Variants in THAP4 observed in about 807,000 individuals in gnomAD.
The protein encoded by THAP4 is THAP domain containing 4, also known as peroxynitrite isomerase THAP4.
A neutral mutation model predicts 48.1 loss-of-function variants in THAP4; 18 were observed. That is an observed-to-expected ratio of 0.37 (90% CI 0.26 to 0.56). THAP4 has a LOEUF of 0.56. Ranked by LOEUF, THAP4 falls within the 20% of genes least tolerant of loss-of-function variation. THAP4 has a pLI of 0.78. For synonymous variants in THAP4, 345 were observed against 324.9 expected, an observed-to-expected ratio of 1.06 and a Z score of -0.66; for missense variants, 656 against 774.9, an observed-to-expected ratio of 0.85 and a Z score of 1.82.
At chr2:241,584,872 G>A in intron 5 of THAP4, 147 bp from the exon 6 acceptor site, 2 of 955,132 alleles carry the variant, frequency 2.1e-6, no homozygotes, top group Non-Finnish European at 3.2e-6. Flanking sequence ...CACAGCCCAG[G>A]GCCCCTGGGC....
In THAP4 at chr2:241,610,157, C is replaced by T. The variant is rs2067247188; in HGVS notation, c.1241-3684G>A. On this transcript the variant is annotated intron_variant, in intron 2 of 5. Transcript: ENST00000407315. This position sits in a 1 kb window ranked among gnomAD's most constrained non-coding sequence, Gnocchi z 4.2. ...CAGTGGAACAGGGGCACCAGGGCCG[C>T]GGCGCCGGGCATGGCCTTCACACTC... 3.3e-5 allele frequency among the ~76,000 whole-genome samples: 5 copies of T among 152,186 alleles called. No homozygotes were observed. Among genetic ancestry groups the T allele is most frequent in the Non-Finnish European group, 7.4e-5 (5 of 68,022 alleles).
chr2:241,626,594 C>T (rs574624919), intron 2 of THAP4, among the ~76,000 whole-genome samples: 4 of 151,482 alleles, frequency 2.6e-5, no homozygotes, highest in South Asian at 2.1e-4. Flanking sequence ...GACGGAGTCT[C>T]GCTCTGTCAC....
chr2:241,585,141 C>A (rs2066878408), intron 5 of THAP4: 1 of 162,164 alleles, frequency 6.2e-6, no homozygotes, highest in Non-Finnish European at 1.4e-5. Flanking sequence ...CCACTGCCTC[C>A]CACTTTCACT....
At position 241,633,799 on chromosome 2, in the gene THAP4, TGGC is replaced by T. The variant is rs765150959; in HGVS notation, c.355_357del (p.Ala119del). 3 of 1,613,744 alleles carry T rather than the reference TGGC, an allele frequency of 1.9e-6. No homozygotes were observed. Among genetic ancestry groups the T allele is most frequent in the Non-Finnish European group, 1.7e-6 (2 of 1,179,726 alleles). ...GACCAACCTGCAGCTCCTCTGCTGGTGGCGGCACTCGAGTGTCCCCTCACACCC... is the reference window on the plus strand; with the variant it reads ...GACCAACCTGCAGCTCCTCTGCTGGTGGCACTCGAGTGTCCCCTCACACCC... On this transcript the variant is annotated inframe_deletion, in exon 2 of 6. Coordinates refer to ENST00000407315, the MANE Select transcript of THAP4 (RefSeq NM_015963.6). The surrounding 1 kb of genome is among the most constrained non-coding windows in gnomAD (Gnocchi z 7.5).
intron 1 of THAP4, among the ~76,000 whole-genome samples, chr2:241,636,131 C>G (rs1234522886): frequency 6.6e-6 from 1 of 152,246 alleles, no homozygotes; most frequent in Non-Finnish European, 1.5e-5. Context: ...TCTAATGTTA[C>G]TAATTCTTAT....
chr2:241,590,109 G>A (rs1289810964), intron 5 of THAP4, among the ~76,000 whole-genome samples: 10 of 150,866 alleles, frequency 6.6e-5, no homozygotes, highest in Admixed American at 2.6e-4. Context: ...CTCGGCTGAC[G>A]ATGATGGGCA....
intron 5 of THAP4, among the ~76,000 whole-genome samples, chr2:241,586,946 C>T (rs2066902651): frequency 6.6e-6 from 1 of 152,138 alleles, no homozygotes; most frequent in Non-Finnish European, 1.5e-5. Flanking sequence ...AAGATCATGG[C>T]CAATTTTCTG....
intron 2 of THAP4, among the ~76,000 whole-genome samples, chr2:241,626,867 C>A (rs2067500947): frequency 6.6e-6 from 1 of 152,206 alleles, no homozygotes; most frequent in South Asian, 2.1e-4. Flanking sequence ...CCCAGCTAAT[C>A]TGGATTTTTG....
chr2:241,615,101 G>T (rs902612941), intron 2 of THAP4, among the ~76,000 whole-genome samples: 6 of 152,254 alleles, frequency 3.9e-5, no homozygotes, highest in Admixed American at 1.3e-4. Context: ...CGAAAAGAAA[G>T]AAGCCAGACA....
At chr2:241,594,410 C>T (rs1011340111) in intron 5 of THAP4, among the ~76,000 whole-genome samples, 4 of 152,138 alleles carry the variant, frequency 2.6e-5, no homozygotes, top group Admixed American at 2.0e-4. Context: ...ATGGCAAAAG[C>T]TTGTCTCTAC....
intron 5 of THAP4, among the ~76,000 whole-genome samples, chr2:241,597,876 T>A (rs2067068239): frequency 6.6e-6 from 1 of 151,910 alleles, no homozygotes; most frequent in African/African-American, 2.4e-5. Flanking sequence ...GCTTCGCAAC[T>A]CCATCGTCTC....
At chr2:241,605,203 G>T (rs1034757062) in intron 3 of THAP4, among the ~76,000 whole-genome samples, 1 of 152,052 alleles carries the variant, frequency 6.6e-6, no homozygotes, top group South Asian at 2.1e-4. Context: ...AATATAAAAA[G>T]GTAGGAGATA....
chr2:241,593,076 T>C (rs2067005589), intron 5 of THAP4, among the ~76,000 whole-genome samples: 1 of 151,972 alleles, frequency 6.6e-6, no homozygotes, highest in African/African-American at 2.4e-5. Context: ...GTCCCCCATC[T>C]CTATTAAAAA....
rs182875566 is a variant in THAP4 at position 241,601,632 on chromosome 2, G to A, written c.1614+264C>T. 1.1e-4 allele frequency among the ~76,000 whole-genome samples: 17 copies of A among 152,174 alleles called. No homozygotes were observed. Among genetic ancestry groups the A allele is most frequent in the Admixed American group, 8.5e-4 (13 of 15,294 alleles). ...AATAGATATGGATATATCTGTAAAC[G>A]TGGACAACCCAAATGCAAAAGGATG... is the stretch of plus-strand genomic sequence containing the variant. On this transcript the variant is annotated intron_variant, in intron 5 of 5. Transcript: ENST00000407315. This position sits in a 1 kb window ranked among gnomAD's most constrained non-coding sequence, Gnocchi z 4.0.
At chr2:241,632,442 A>C (rs4675915) in intron 2 of THAP4, among the ~76,000 whole-genome samples, 3,602 of 152,264 alleles carry the variant, frequency 0.024, 211 homozygotes, top group East Asian at 0.19. Context: ...ATAATTATTA[A>C]TGTTCATGAT....
chr2:241,601,857 C>A lies in THAP4; in HGVS notation c.1614+39G>T, dbSNP rs750240653. ...GGCTGACTCCACAGACCGCTGCAAACAGAAGACAGGAGCGTGCTGGGAGCA... is the reference window on the plus strand; with the variant it reads ...GGCTGACTCCACAGACCGCTGCAAAAAGAAGACAGGAGCGTGCTGGGAGCA... On this transcript the variant is annotated intron_variant, in intron 5 of 5. Coordinates refer to ENST00000407315, the MANE Select transcript of THAP4 (RefSeq NM_015963.6). This position sits in a 1 kb window ranked among gnomAD's most constrained non-coding sequence, Gnocchi z 4.0. 1 of 1,611,948 alleles carries A rather than the reference C, an allele frequency of 6.2e-7. No individual in the cohort carries two copies. The highest frequency in any genetic ancestry group is 8.5e-7 in the Non-Finnish European group (1 of 1,179,318).
chr2:241,620,281 C>CA (rs1432957587), intron 2 of THAP4, among the ~76,000 whole-genome samples: 6 of 20,756 alleles, frequency 2.9e-4, no homozygotes, highest in Non-Finnish European at 3.4e-4. Context: ...GTGAGTGAGT[C>CA]GTGAGTGAGG....
intron 5 of THAP4, among the ~76,000 whole-genome samples, chr2:241,596,083 C>T (rs879605539): frequency 6.6e-6 from 1 of 152,234 alleles, no homozygotes; most frequent in Non-Finnish European, 1.5e-5. Flanking sequence ...AATAAGTCAG[C>T]TCCTGCCACG....
At chr2:241,602,508 G>A (rs1234181859) in intron 4 of THAP4, among the ~76,000 whole-genome samples, 3 of 152,122 alleles carry the variant, frequency 2.0e-5, no homozygotes, top group African/African-American at 4.8e-5. Flanking sequence ...TGGGATTACA[G>A]GCATGCACCA....
Sources: allele counts gnomAD v4.1 joint callset (sites outside exome capture counted in the v4.1 genomes callset), GRCh38; gene constraint gnomAD v4.1.1; non-coding constraint Gnocchi (gnomAD v3.1); transcripts MANE v1.5; gene names NCBI Gene and HGNC (gene_info 2026-07-23, HGNC 2026-07-21).